KLRG1: variants seen among roughly 807,000 people sequenced by gnomAD.
The protein encoded by KLRG1 is killer cell lectin-like receptor subfamily G member 1.
A neutral mutation model predicts 21.8 loss-of-function variants in KLRG1; 16 were observed. That is an observed-to-expected ratio of 0.73 (90% CI 0.50 to 1.11). The LOEUF (loss-of-function observed/expected upper bound fraction) is 1.11, where lower values mean the gene tolerates loss of function less well. Among genes scored for constraint, KLRG1 ranks in the 50% most tolerant of loss-of-function variants. The pLI is 0.00. For missense variants in KLRG1, 173 were observed against 218.3 expected (o/e 0.79, Z 1.31); for synonymous variants, 69 against 75.9 (o/e 0.91, Z 0.47).
chr12:8,978,652 CTTTCTTTCTTT>C (rs1946700453), intron 1 of KLRG1, among the ~76,000 whole-genome samples: 1 of 134,208 alleles, frequency 7.5e-6, no homozygotes, highest in African/African-American at 2.7e-5. Flanking sequence ...TTCTTTCTTT[CTTTCTTTCTTT>C]CTTTCTTTCT....
At chr12:9,095,775 C>T in the KLRG1 span, 12 of 1,008,180 alleles carry the variant, frequency 1.2e-5, no homozygotes, top group African/African-American at 7.4e-5. Context: ...TTTTTTGAGA[C>T]GGAGTCTCGC....
the KLRG1 span, among the ~76,000 whole-genome samples, chr12:9,038,920 T>A: frequency 1.4e-5 from 2 of 139,088 alleles, no homozygotes; most frequent in Admixed American, 7.3e-5. Flanking sequence ...AAAAAAAAAA[T>A]TGAAACAAAA....
chr12:9,144,315 G>A, the KLRG1 span, among the ~76,000 whole-genome samples: 2 of 152,308 alleles, frequency 1.3e-5, no homozygotes, highest in Admixed American at 6.5e-5. Context: ...CCACTGGAGA[G>A]TAGCCCCAGC....
At chr12:8,950,092 C>T (rs987937243) in exon 1 of KLRG1, 4 of 152,210 alleles carry the variant, frequency 2.6e-5, no homozygotes, top group Non-Finnish European at 5.9e-5. Flanking sequence ...CCGTTCGCCG[C>T]CTGAGAGGGA....
the KLRG1 span, chr12:9,149,660 C>A: frequency 3.8e-5 from 59 of 1,545,498 alleles, no homozygotes; most frequent in Non-Finnish European, 5.1e-5. Flanking sequence ...AGGGACCATG[C>A]TAAATCTGTC....
At chr12:8,957,100 A>G (rs769255253) in intron 1 of KLRG1, among the ~76,000 whole-genome samples, 5 of 152,258 alleles carry the variant, frequency 3.3e-5, no homozygotes, top group Non-Finnish European at 7.3e-5. Flanking sequence ...ATCCTGTGTC[A>G]ATAGCATGTT....
chr12:9,074,431 A>T, the KLRG1 span: 2 of 869,578 alleles, frequency 2.3e-6, no homozygotes, highest in East Asian at 2.7e-5. Flanking sequence ...ATCCTTGGAT[A>T]CTGAAAACTT....
chr12:9,101,112 G>T, the KLRG1 span: 2 of 1,548,992 alleles, frequency 1.3e-6, no homozygotes, highest in Non-Finnish European at 1.7e-6. Context: ...GTCAGAATGG[G>T]GCAGCAATGC....
At chr12:9,074,822 A>G in the KLRG1 span, 2 of 1,545,966 alleles carry the variant, frequency 1.3e-6, no homozygotes, top group Admixed American at 3.9e-5. Context: ...GTGCCTACAT[A>G]TTTATATTTA....
the KLRG1 span, chr12:9,104,542 G>C: frequency 1.3e-6 from 1 of 782,724 alleles, no homozygotes; most frequent in Non-Finnish European, 2.0e-6. Flanking sequence ...AAAAAACGAA[G>C]TTTCTTCCAT....
chr12:9,203,941 C>T, the KLRG1 span: 1 of 1,610,024 alleles, frequency 6.2e-7, no homozygotes, highest in South Asian at 1.1e-5. Context: ...GGGACCAGCA[C>T]CATATACTGC....
chr12:9,106,602 T>C, the KLRG1 span: 1 of 1,535,750 alleles, frequency 6.5e-7, no homozygotes, highest in East Asian at 2.3e-5. Flanking sequence ...CCATGGCTGT[T>C]TAGCTAAGAA....
the KLRG1 span, among the ~76,000 whole-genome samples, chr12:9,096,044 C>G: frequency 2.6e-5 from 4 of 152,018 alleles, no homozygotes. Flanking sequence ...CAGGCGTGAG[C>G]CACCGCGCCC....
chr12:9,201,310 C>T, the KLRG1 span: 1 of 1,525,860 alleles, frequency 6.6e-7, no homozygotes, highest in Non-Finnish European at 9.1e-7. Flanking sequence ...TTATAAGATA[C>T]TTTTTCTGAT....
At chr12:9,186,129 C>T in the KLRG1 span, among the ~76,000 whole-genome samples, 5 of 151,978 alleles carry the variant, frequency 3.3e-5, no homozygotes, top group Non-Finnish European at 7.4e-5. Flanking sequence ...AAAATAAATT[C>T]CAACCAAGAA....
At chr12:9,058,005 C>T in the KLRG1 span, 1 of 152,176 alleles carries the variant, frequency 6.6e-6, no homozygotes, top group Non-Finnish European at 1.5e-5. Context: ...ATATCCAACA[C>T]ATGGCTCTGC....
chr12:9,093,431 T>TTGTTGCA, the KLRG1 span: 1 of 1,421,264 alleles, frequency 7.0e-7, no homozygotes. Flanking sequence ...GGGACCTCTA[T>TTGTTGCA]TGTTGCATAT....
chr12:9,114,745 A>G, the KLRG1 span, among the ~76,000 whole-genome samples: 2 of 152,084 alleles, frequency 1.3e-5, no homozygotes, highest in Non-Finnish European at 2.9e-5. Flanking sequence ...ATACATATAT[A>G]TGTAACATAT....
At chr12:9,058,432 T>C in the KLRG1 span, 1 of 152,160 alleles carries the variant, frequency 6.6e-6, no homozygotes, top group Non-Finnish European at 1.5e-5. Flanking sequence ...TATACAGAAA[T>C]ATTCATATGC....
Sources: allele counts gnomAD v4.1 joint callset (sites outside exome capture counted in the v4.1 genomes callset), GRCh38; gene constraint gnomAD v4.1.1; transcripts MANE v1.5; gene names NCBI Gene and HGNC (gene_info 2026-07-23, HGNC 2026-07-21).